CEP170: variants seen among roughly 807,000 people sequenced by gnomAD.
CEP170 encodes the protein centrosomal protein 170, also known as centrosomal protein of 170 kDa.
A neutral mutation model predicts 151.9 loss-of-function variants in CEP170; 21 were observed. That is an observed-to-expected ratio of 0.14 (90% confidence interval 0.10 to 0.20). CEP170 has a LOEUF of 0.20. Ranked by LOEUF, CEP170 falls within the 10% of genes least tolerant of loss-of-function variation. CEP170 has a pLI of 1.00. For synonymous variants in CEP170, 356 were observed against 648.8 expected (o/e 0.55, Z 6.86); for missense variants, 964 against 1,892.9 (o/e 0.51, Z 9.11).
rs2060290008 is a variant in CEP170 at position 243,191,271 on chromosome 1, A to T, written c.855T>A (p.Asp285Glu). 6.2e-7 allele frequency: 1 copy of T among 1,611,766 alleles called. No individual in the cohort carries two copies. Among genetic ancestry groups the T allele is most frequent in the Non-Finnish European group, 8.5e-7 (1 of 1,179,048 alleles). Residue 285 changes from aspartate (D) to glutamate (E), a missense_variant, in exon 8 of 20, where the codon GAT (aspartate) becomes GAA (glutamate). Asp to Glu is a conservative substitution (Grantham distance 45). Coordinates refer to ENST00000366542, the MANE Select transcript of CEP170 (RefSeq NM_014812.3). ...TAGTTACCTTCCCTGGGGTACTGTC[A>T]TCAAATTCAATGGTAAATGAAGCAT... ...AGHASFTIEFDDSTPGKVTIR... is the reference protein window; with the variant it reads ...AGHASFTIEFEDSTPGKVTIR...
rs397709826 is a variant in CEP170, at chr1:243,212,702, CTT to C, written c.196-740_196-739del. Among the ~76,000 whole-genome samples, 251 of 149,700 alleles carry C rather than the reference CTT, an allele frequency of 1.7e-3. 1 individual carries two copies. Among genetic ancestry groups the C allele is most frequent in the Non-Finnish European group, 2.7e-3 (181 of 67,204 alleles). ...TATTTTCTTTCTTCTCTCTCTCTCT[CTT>C]TCTTTCAGGGTCGCGGTGGTGCGAT... On this transcript the variant is annotated intron_variant, in intron 3 of 19. Transcript: ENST00000366542.
chr1:243,156,698 G>A, intron 13 of CEP170: 1 of 374,706 alleles, frequency 2.7e-6, no homozygotes, highest in East Asian at 4.2e-5. Context: ...TCCATAGTGT[G>A]GTGAGTAAAC....
chr1:243,169,321 T>A (rs2148591091), intron 12 of CEP170: 1 of 261,388 alleles, frequency 3.8e-6, no homozygotes, highest in South Asian at 5.5e-5. Flanking sequence ...ACTTACGAAG[T>A]CCACAAAATT....
intron 1 of CEP170, among the ~76,000 whole-genome samples, chr1:243,245,087 G>C (rs1056872222): frequency 1.3e-5 from 2 of 152,168 alleles, no homozygotes; most frequent in African/African-American, 2.4e-5. Flanking sequence ...TGATACAACA[G>C]AAGTATGGTG....
rs565616703 is a variant in CEP170 at position 243,185,979 on chromosome 1, G to C, written c.1366C>G (p.Leu456Val). 3.1e-6 allele frequency: 5 copies of C among 1,613,744 alleles called. No individual in the cohort carries two copies. In the South Asian group the frequency reaches 4.4e-5, roughly 14 times the overall value. ...SEEPSVSIPF[L>V]QTALLRSSGS... ...GAACTTCTTAATAATGCAGTTTGTAGGAAGGGTATTGACACCGATGGCTCC... is the reference window on the plus strand; with the variant it reads ...GAACTTCTTAATAATGCAGTTTGTACGAAGGGTATTGACACCGATGGCTCC... The change falls in exon 10 of 20, where the codon CTA (leucine) becomes GTA (valine). Residue 456 changes from leucine to valine, a missense_variant. Transcript: ENST00000366542. This position sits in a 1 kb window ranked among gnomAD's most constrained non-coding sequence, Gnocchi z 4.9.
At position 243,228,710 on chromosome 1, in the gene CEP170, G is replaced by A. The variant is rs190816171; in HGVS notation, c.-41-3389C>T. On this transcript the variant is annotated intron_variant, in intron 1 of 19. Transcript: ENST00000366542. Reference sequence around the variant, plus strand: ...AAACTAAAACATGACAGCCAAATACGGATAACAGAAACAGTTTCTTAATAT... The same window carrying A: ...AAACTAAAACATGACAGCCAAATACAGATAACAGAAACAGTTTCTTAATAT... Among the ~76,000 whole-genome samples the A allele has an allele frequency of 2.1e-4, 32 of 152,132 alleles. No homozygotes were observed. In the East Asian group the frequency reaches 2.7e-3, roughly 13 times the overall value.
Position 243,124,498 on chromosome 1 carries a change from G to C in CEP170, c.*1951C>G, listed in dbSNP as rs192108216. 521 of 152,586 alleles carry C rather than the reference G, an allele frequency of 3.4e-3. 2 individuals carry two copies. Among genetic ancestry groups the C allele is most frequent in the Non-Finnish European group, 4.5e-3 (308 of 67,960 alleles). 9.5% of individuals were successfully genotyped at this position (152,586 alleles called of 1,614,324 possible). A position where few individuals can be genotyped will look rare whatever the true frequency, so the allele number is the denominator to read the frequency against. On this transcript the variant is annotated 3_prime_UTR_variant, in exon 20 of 20. Coordinates refer to ENST00000366542, the MANE Select transcript of CEP170 (RefSeq NM_014812.3). ...TAACAAAATAACATAAGTAATAAATGTAACAAAAATAAATAAGGAGGATAA... is the reference window on the plus strand; with the variant it reads ...TAACAAAATAACATAAGTAATAAATCTAACAAAAATAAATAAGGAGGATAA...
chr1:243,133,200 G>A lies in CEP170; in HGVS notation c.4319+2943C>T, dbSNP rs375492290. Among the ~76,000 whole-genome samples, 89 of 152,226 alleles carry A rather than the reference G, an allele frequency of 5.8e-4. 2 individuals are homozygous for A. In the South Asian group the frequency reaches 0.017, roughly 28 times the overall value. ...AAGAGCCCTTCTCTGAATTTCCCAA[G>A]TGCCCTTGCTATGGGCTTCCATAGT... On this transcript the variant is annotated intron_variant, in intron 17 of 19. Coordinates refer to ENST00000366542, the MANE Select transcript of CEP170 (RefSeq NM_014812.3).
chr1:243,168,595 A>G (rs1251475279), intron 12 of CEP170, among the ~76,000 whole-genome samples: 3 of 151,936 alleles, frequency 2.0e-5, no homozygotes, highest in Non-Finnish European at 4.4e-5. Context: ...GAGAACATCT[A>G]AAATGTACAA....
chr1:243,225,887 C>A (rs192679415), intron 1 of CEP170, among the ~76,000 whole-genome samples: 1 of 151,700 alleles, frequency 6.6e-6, no homozygotes, highest in Admixed American at 6.6e-5. Context: ...AACAGCAATT[C>A]TGAAACATTC....
rs556957165 is a variant in CEP170 at position 243,134,324 on chromosome 1, T to A, written c.4319+1819A>T. Reference sequence around the variant, plus strand: ...TATTTGTTAAGTAAATATTAAAATATTATTCTGTAGAAAATTAAGTCTATT... The same window carrying A: ...TATTTGTTAAGTAAATATTAAAATAATATTCTGTAGAAAATTAAGTCTATT... On this transcript the variant is annotated intron_variant, in intron 17 of 19. Coordinates refer to ENST00000366542, the MANE Select transcript of CEP170 (RefSeq NM_014812.3). Among the ~76,000 whole-genome samples, 4 of 152,314 alleles carry A rather than the reference T, an allele frequency of 2.6e-5. No homozygotes were observed. The East Asian group carries it at 7.7e-4, about 29-fold the overall frequency.
intron 10 of CEP170, among the ~76,000 whole-genome samples, chr1:243,179,400 G>A (rs1272120291): frequency 6.6e-6 from 1 of 152,096 alleles, no homozygotes; most frequent in Non-Finnish European, 1.5e-5. Context: ...TCAAAGGTAA[G>A]TCTAGTCTAT....
chr1:243,153,768 T>G (rs1281170248), intron 14 of CEP170, among the ~76,000 whole-genome samples: 1 of 152,248 alleles, frequency 6.6e-6, no homozygotes, highest in Non-Finnish European at 1.5e-5. Context: ...TTTGCCTTAC[T>G]ATAGCGGTCT....
chr1:243,141,137 G>A (rs1477351187), intron 15 of CEP170, among the ~76,000 whole-genome samples: 1 of 152,158 alleles, frequency 6.6e-6, no homozygotes, highest in Non-Finnish European at 1.5e-5. Flanking sequence ...AATATTATTA[G>A]CACAGTTTAC....
intron 17 of CEP170, among the ~76,000 whole-genome samples, chr1:243,134,140 GAAAT>G (rs1276224003): frequency 6.6e-6 from 1 of 152,136 alleles, no homozygotes; most frequent in Non-Finnish European, 1.5e-5. Flanking sequence ...ATATTCAAGT[GAAAT>G]AATGAAATTA....
intron 17 of CEP170, among the ~76,000 whole-genome samples, chr1:243,134,885 A>C (rs2054860510): frequency 6.6e-6 from 1 of 152,130 alleles, no homozygotes; most frequent in South Asian, 2.1e-4. Context: ...TCTTTGGGGA[A>C]AGTAAAGATC....
intron 10 of CEP170, chr1:243,176,630 G>C (rs949634933): frequency 7.2e-5 from 15 of 209,320 alleles, no homozygotes; most frequent in Non-Finnish European, 1.2e-4. Flanking sequence ...TTTCACTTTG[G>C]GATTTCAAAT....
At chr1:243,200,379 T>C (rs1370309562) in intron 6 of CEP170, 139 bp downstream of exon 6, 1 of 722,786 alleles carries the variant, frequency 1.4e-6, no homozygotes, top group African/African-American at 1.8e-5. Context: ...ATGAAAGCAC[T>C]GGTAGCATTA....
At chr1:243,168,325 C>A (rs2058587850) in intron 12 of CEP170, 1 of 151,918 alleles carries the variant, frequency 6.6e-6, no homozygotes, top group South Asian at 2.1e-4. Context: ...AAACAAATTT[C>A]CATTTTCAAC....
Sources: gnomAD v4.1 joint callset for allele counts (sites outside exome capture counted in the v4.1 genomes callset) on GRCh38, gnomAD v4.1.1 for gene constraint, Gnocchi (gnomAD v3.1) non-coding constraint, MANE v1.5 for transcripts, NCBI Gene and HGNC (gene_info 2026-07-23, HGNC 2026-07-21) for gene names.